Variants in SLCO1B3 observed in about 807,000 individuals in gnomAD.
SLCO1B3 encodes the protein solute carrier organic anion transporter family member 1B3, also known as liver-specific organic anion transporter 2.
In SLCO1B3, 72 loss-of-function variants were observed where a neutral mutation model predicts 71.8. That is an observed-to-expected ratio of 1.00 (90% CI 0.83 to 1.22). The LOEUF (loss-of-function observed/expected upper bound fraction) is 1.22, where lower values mean the gene tolerates loss of function less well. SLCO1B3 is among the 50% of genes most tolerant of loss of function. The pLI is 0.00. For missense variants in SLCO1B3, 911 were observed against 819.7 expected, an observed-to-expected ratio of 1.11 and a Z score of -1.36; for synonymous variants, 298 against 278.4, an observed-to-expected ratio of 1.07 and a Z score of -0.70.
intron 3 of SLCO1B3, among the ~76,000 whole-genome samples, chr12:20,837,611 T>C (rs1175702012): frequency 2.6e-5 from 4 of 152,142 alleles, no homozygotes; most frequent in African/African-American, 9.6e-5. Flanking sequence ...CTCTACATAT[T>C]TGGGGATTTT....
chr12:20,814,582 A>G (rs958860020), intron 2 of SLCO1B3, among the ~76,000 whole-genome samples: 2 of 152,148 alleles, frequency 1.3e-5, no homozygotes, highest in African/African-American at 4.8e-5. Flanking sequence ...AGAAAATATT[A>G]TGTATTTAAT....
intron 3 of SLCO1B3, among the ~76,000 whole-genome samples, chr12:20,852,677 T>C (rs2121213759): frequency 6.6e-6 from 1 of 152,322 alleles, no homozygotes; most frequent in Non-Finnish European, 1.5e-5. Context: ...AGTTTATTCC[T>C]AAGTGTTTTA....
intron 3 of SLCO1B3, among the ~76,000 whole-genome samples, chr12:20,828,242 A>G (rs937986558): frequency 1.3e-5 from 2 of 149,644 alleles, no homozygotes; most frequent in African/African-American, 5.0e-5. Context: ...AAGTGTCTAA[A>G]CCACACCCTT....
At chr12:20,889,571 C>G (rs1426802300) in intron 13 of SLCO1B3, among the ~76,000 whole-genome samples, 1 of 151,984 alleles carries the variant, frequency 6.6e-6, no homozygotes, top group Non-Finnish European at 1.5e-5. Flanking sequence ...TTCTGATTGT[C>G]CTTATTTGAA....
At chr12:20,841,900 TTTGA>T (rs757096938) in intron 3 of SLCO1B3, among the ~76,000 whole-genome samples, 59 of 122,542 alleles carry the variant, frequency 4.8e-4, no homozygotes, top group African/African-American at 1.0e-3. Flanking sequence ...TTTTTTTTTT[TTTGA>T]GACAGAGTCT....
intron 15 of SLCO1B3, among the ~76,000 whole-genome samples, chr12:20,909,320 C>T (rs1275419124): frequency 2.2e-5 from 3 of 138,052 alleles, no homozygotes; most frequent in East Asian, 2.2e-4. Flanking sequence ...CACCCACCAC[C>T]ACGCCTGGCT....
intron 3 of SLCO1B3, among the ~76,000 whole-genome samples, chr12:20,844,206 A>G (rs1374066263): frequency 2.0e-5 from 3 of 152,076 alleles, no homozygotes; most frequent in Non-Finnish European, 4.4e-5. Flanking sequence ...AGATATTTAT[A>G]TATACATAAG....
At chr12:20,811,930 G>A (rs763357150) in intron 1 of SLCO1B3, among the ~76,000 whole-genome samples, 42 of 89,324 alleles carry the variant, frequency 4.7e-4, no homozygotes, top group Non-Finnish European at 9.9e-4. Context: ...TTTTTGAGAA[G>A]GAGTTTCGCT....
intron 15 of SLCO1B3, among the ~76,000 whole-genome samples, chr12:20,911,608 C>G (rs892817738): frequency 1.3e-5 from 2 of 152,150 alleles, no homozygotes; most frequent in Non-Finnish European, 2.9e-5. Context: ...CAATTCATTT[C>G]TTTAACAGAT....
chr12:20,850,256 T>TTTTATTTATTTATTTATTTA (rs67315737), intron 3 of SLCO1B3, among the ~76,000 whole-genome samples: 11 of 143,040 alleles, frequency 7.7e-5, no homozygotes, highest in African/African-American at 2.9e-4. Flanking sequence ...ATTATTATTA[T>TTTTATTTATTTATTTATTTA]TTTATTTATT....
Position 20,826,947 on chromosome 12 carries a change from G to C in SLCO1B3, c.84+11125G>C, listed in dbSNP as rs373786813. Among the ~76,000 whole-genome samples, 162 of 151,950 alleles carry C rather than the reference G, an allele frequency of 1.1e-3. 4 individuals carry two copies. In the South Asian group the frequency reaches 0.033, roughly 31 times the overall value. ...AGATACTTAATGTAACATAACTTTA[G>C]ATTATAAATGGTCATCATTTAAAGT... On this transcript the variant is annotated intron_variant, in intron 3 of 15. Transcript: ENST00000381545.
At chr12:20,854,969 A>G in intron 3 of SLCO1B3, 59 bp from the exon 4 acceptor site, 1 of 1,470,950 alleles carries the variant, frequency 6.8e-7, no homozygotes, top group South Asian at 1.2e-5. Context: ...CCATGTACCT[A>G]TAAACATTAT....
chr12:20,896,815 G>A (rs547027096), intron 13 of SLCO1B3, among the ~76,000 whole-genome samples: 1 of 152,218 alleles, frequency 6.6e-6, no homozygotes, highest in Admixed American at 6.5e-5. Flanking sequence ...GAGACTGGGC[G>A]ATTTACAAAA....
chr12:20,851,852 T>C (rs1350219229), intron 3 of SLCO1B3, among the ~76,000 whole-genome samples: 8 of 152,140 alleles, frequency 5.3e-5, no homozygotes, highest in South Asian at 2.1e-4. Context: ...AGACAATGGG[T>C]CAACTTCATT....
intron 13 of SLCO1B3, among the ~76,000 whole-genome samples, chr12:20,887,737 G>C (rs1164864733): frequency 6.6e-6 from 1 of 150,648 alleles, no homozygotes; most frequent in Non-Finnish European, 1.5e-5. Context: ...GTTTAATTAA[G>C]TTCCATTGGT....
At chr12:20,873,550 G>A (rs1050308701) in intron 8 of SLCO1B3, among the ~76,000 whole-genome samples, 1 of 152,192 alleles carries the variant, frequency 6.6e-6, no homozygotes. Context: ...TTGAAATGTT[G>A]AATGTGCAGT....
chr12:20,875,564 A>G lies in SLCO1B3; in HGVS notation c.970+87A>G, dbSNP rs1865565764. The G allele has an allele frequency of 3.0e-6, 4 of 1,334,624 alleles. No homozygotes were observed. In the South Asian group the frequency reaches 5.3e-5, roughly 18 times the overall value. 82.7% of individuals were successfully genotyped at this position (1,334,624 alleles called of 1,614,324 possible). ...GTAAAAAAAAATAAAGCATACTCAA[A>G]TCATCTAGAGTCAGCTTTCTTCTCT... is the stretch of plus-strand genomic sequence containing the variant. On this transcript the variant is annotated intron_variant, in intron 9 of 15. Transcript: ENST00000381545.
chr12:20,880,689 TTCTC>T (rs1351829866), intron 11 of SLCO1B3, among the ~76,000 whole-genome samples, 162 bp from the exon 12 acceptor site: 2 of 152,164 alleles, frequency 1.3e-5, no homozygotes, highest in African/African-American at 2.4e-5. Context: ...CAAATCAAAT[TTCTC>T]TATCTAATTA....
intron 15 of SLCO1B3, among the ~76,000 whole-genome samples, chr12:20,915,235 T>C (rs912434041): frequency 5.9e-5 from 9 of 152,124 alleles, no homozygotes; most frequent in African/African-American, 1.9e-4. Flanking sequence ...ACTTAGAGAT[T>C]GTTTCCTCAG....
Sources: gnomAD v4.1 joint callset for allele counts (sites outside exome capture counted in the v4.1 genomes callset) on GRCh38, gnomAD v4.1.1 for gene constraint, MANE v1.5 for transcripts, NCBI Gene and HGNC (gene_info 2026-07-23, HGNC 2026-07-21) for gene names.